LIMCH1: variants seen among roughly 807,000 people sequenced by gnomAD.
The protein encoded by LIMCH1 is LIM and calponin homology domains 1.
A neutral mutation model predicts 176.5 loss-of-function variants in LIMCH1; 113 were observed. The observed-to-expected ratio is 0.64, with a 90% CI of 0.55 to 0.75. The LOEUF is 0.75. LIMCH1 is among the 30% of genes least tolerant of loss of function. The probability of loss-of-function intolerance (pLI) is 0.00; values close to 1 mark genes in which losing one functional copy is unlikely to be tolerated. For synonymous variants in LIMCH1, 619 were observed against 645.9 expected, an observed-to-expected ratio of 0.96 and a Z score of 0.63; for missense variants, 1,674 against 1,814.9, an observed-to-expected ratio of 0.92 and a Z score of 1.41.
intron 1 of LIMCH1, among the ~76,000 whole-genome samples, chr4:41,391,089 A>G (rs1561217268): frequency 6.6e-6 from 1 of 152,272 alleles, no homozygotes; most frequent in Non-Finnish European, 1.5e-5. Flanking sequence ...TTAATAGAAT[A>G]AAGGCCACTA....
chr4:41,596,048 C>CAAAAAAAAAAAAAAAAAAAAAA (rs1452167402), intron 1 of LIMCH1, among the ~76,000 whole-genome samples: 6 of 100,668 alleles, frequency 6.0e-5, no homozygotes, highest in African/African-American at 3.5e-4. Flanking sequence ...GACTCCATCT[C>CAAAAAAAAAAAAAAAAAAAAAA]AAAAAAAAAA....
chr4:41,500,437 C>T (rs1438257184), intron 2 of LIMCH1, among the ~76,000 whole-genome samples: 1 of 152,118 alleles, frequency 6.6e-6, no homozygotes, highest in Non-Finnish European at 1.5e-5. Flanking sequence ...CCCTTAATCG[C>T]TAAAAAATTC....
Position 41,519,435 on chromosome 4 carries a change from A to G in LIMCH1, c.168-4974A>G, listed in dbSNP as rs182691603. On this transcript the variant is annotated intron_variant, in intron 2 of 26. Transcript: ENST00000313860. ...GTTTAGTAGACACCATTTCATTTGT[A>G]TCATAAAATTAACATTTATTTTTGA... Among the ~76,000 whole-genome samples the G allele has an allele frequency of 2.0e-5, 3 of 152,234 alleles. No individual in the cohort carries two copies. In the East Asian group the frequency reaches 5.8e-4, roughly 29 times the overall value.
intron 1 of LIMCH1, among the ~76,000 whole-genome samples, chr4:41,383,151 G>A (rs1294127140): frequency 1.3e-5 from 2 of 152,180 alleles, no homozygotes; most frequent in African/African-American, 2.4e-5. Context: ...TCAGTTGTAA[G>A]TCTGTCTCTT....
chr4:41,397,306 G>A (rs1035145094), intron 1 of LIMCH1, among the ~76,000 whole-genome samples: 3 of 152,120 alleles, frequency 2.0e-5, no homozygotes, highest in African/African-American at 7.2e-5. Context: ...ATCTAATTCT[G>A]GGTCCTTCTC....
intron 1 of LIMCH1, among the ~76,000 whole-genome samples, chr4:41,490,431 C>T (rs147590445): frequency 0.038 from 5,814 of 152,134 alleles, 173 homozygotes; most frequent in East Asian, 0.11. Context: ...CTGCAGCCTT[C>T]GGCCCTGTTT....
chr4:41,489,715 C>T (rs1162439544), intron 1 of LIMCH1, among the ~76,000 whole-genome samples: 1 of 151,226 alleles, frequency 6.6e-6, no homozygotes, highest in Non-Finnish European at 1.5e-5. Flanking sequence ...ATTTCCAAGA[C>T]TATGAGTTAT....
Position 41,620,555 on chromosome 4 carries a change from A to G in LIMCH1, c.590A>G (p.Glu197Gly), listed in dbSNP as rs1191224520. 3 of 1,536,364 alleles carry G rather than the reference A, an allele frequency of 2.0e-6. No homozygotes were observed. Among genetic ancestry groups the G allele is most frequent in the Non-Finnish European group, 2.6e-6 (3 of 1,146,974 alleles). ...GCELPDGSGK[E>G]HPSSDGAVVA... ...GAATTACCTGACGGCAGTGGTAAGG[A>G]GCACCCTTCTTCAGACGGGGCTGTG... Residue 197 changes from glutamate to glycine, a missense_variant, in exon 7 of 32, where the codon GAG (glutamate) becomes GGG (glycine). This residue lies in a region of LIMCH1 where 655 missense variants were observed against 692.2 expected (regional missense o/e 0.95). Coordinates refer to ENST00000503057, the MANE Select transcript of LIMCH1 (RefSeq NM_001330672.2).
At chr4:41,369,280 A>G (rs1344763739) in intron 1 of LIMCH1, among the ~76,000 whole-genome samples, 1 of 152,160 alleles carries the variant, frequency 6.6e-6, no homozygotes, top group African/African-American at 2.4e-5. Context: ...TGAAGAGTGC[A>G]TCCTTCCCAT....
chr4:41,517,082 ACT>A (rs2075651569), intron 2 of LIMCH1, among the ~76,000 whole-genome samples: 1 of 152,060 alleles, frequency 6.6e-6, no homozygotes, highest in Non-Finnish European at 1.5e-5. Flanking sequence ...GATGGAGACA[ACT>A]CTGCTTTAGG....
chr4:41,532,924 G>C (rs1476375927), intron 3 of LIMCH1, among the ~76,000 whole-genome samples: 1 of 152,076 alleles, frequency 6.6e-6, no homozygotes, highest in Non-Finnish European at 1.5e-5. Context: ...GGCTTAGCTG[G>C]GTCTCTGGTT....
rs2095032848 is a variant in LIMCH1 at position 41,671,538 on chromosome 4, T to C, written c.3398-16T>C. 1.9e-6 allele frequency: 3 copies of C among 1,591,778 alleles called. No homozygotes were observed. In the Admixed American group the frequency reaches 5.0e-5, roughly 27 times the overall value. Reference sequence around the variant, plus strand: ...CACATTCATATCTTTTTTTTCTTTCTTTTTTTTCTGTGCAGTGGATTCTCC... The same window carrying C: ...CACATTCATATCTTTTTTTTCTTTCCTTTTTTTCTGTGCAGTGGATTCTCC... On this transcript the variant is annotated splice_polypyrimidine_tract_variant and intron_variant, in intron 21 of 31. Transcript: ENST00000503057.
At chr4:41,572,931 G>A (rs2083792727) in intron 1 of LIMCH1, among the ~76,000 whole-genome samples, 1 of 152,222 alleles carries the variant, frequency 6.6e-6, no homozygotes, top group African/African-American at 2.4e-5. Flanking sequence ...GAGGTTCTTA[G>A]ATCCTCAAAC....
In LIMCH1 at chr4:41,633,026, T is replaced by C. The variant is rs1367730100; in HGVS notation, c.1770T>C (p.Ala590=). The change falls in exon 12 of 32, where the codon GCT becomes GCC. Residue 590 remains alanine (A), a synonymous_variant. Transcript: ENST00000503057. ...ATGGCAAAGAAGAAACAGAAAGCGCTCCAAGAGATTCTGAGAGGCTGTCAA... is the reference window on the plus strand; with the variant it reads ...ATGGCAAAGAAGAAACAGAAAGCGCCCCAAGAGATTCTGAGAGGCTGTCAA... ...PQDGKEETES[A]PRDSERLSKA... 1.3e-6 allele frequency: 2 copies of C among 1,535,880 alleles called. No individual in the cohort carries two copies. The highest frequency in any genetic ancestry group is 1.7e-6 in the Non-Finnish European group (2 of 1,146,896).
chr4:41,473,036 C>T (rs979674263), intron 1 of LIMCH1: 26 of 984,324 alleles, frequency 2.6e-5, no homozygotes, highest in East Asian at 2.3e-4. Flanking sequence ...CCAATCTCCA[C>T]GAAATAATAA....
chr4:41,361,809 G>A (rs1006114509), intron 1 of LIMCH1, among the ~76,000 whole-genome samples: 1 of 151,126 alleles, frequency 6.6e-6, no homozygotes. Context: ...ACGCTTGAAG[G>A]GCATGAAGGG....
chr4:41,624,830 G>A (rs772904640), intron 7 of LIMCH1, among the ~76,000 whole-genome samples: 25 of 152,116 alleles, frequency 1.6e-4, no homozygotes, highest in Non-Finnish European at 3.2e-4. Flanking sequence ...GAAATGTTGA[G>A]ACAAGAGCTT....
At chr4:41,525,485 G>C (rs1358072287) in intron 3 of LIMCH1, among the ~76,000 whole-genome samples, 2 of 152,132 alleles carry the variant, frequency 1.3e-5, no homozygotes, top group Non-Finnish European at 2.9e-5. Context: ...AGAATTGTGG[G>C]GGGTCCTTGT....
intron 23 of LIMCH1, among the ~76,000 whole-genome samples, chr4:41,677,556 T>TAAC (rs1415427988): frequency 2.0e-5 from 3 of 152,194 alleles, no homozygotes; most frequent in Non-Finnish European, 4.4e-5. Flanking sequence ...CTTCAAAAGG[T>TAAC]AACCTAGCAA....
Sources: allele counts gnomAD v4.1 joint callset (sites outside exome capture counted in the v4.1 genomes callset), GRCh38; gene constraint gnomAD v4.1.1; regional missense constraint gnomAD v4.1.1; transcripts MANE v1.5; gene names NCBI Gene and HGNC (gene_info 2026-07-23, HGNC 2026-07-21).